PADI2: variants seen among roughly 807,000 people sequenced by gnomAD.
PADI2 encodes protein-arginine deiminase type-2.
A neutral mutation model predicts 81.1 loss-of-function variants in PADI2; 70 were observed. The ratio of observed to expected loss-of-function variants is 0.86; its 90% CI spans 0.71 to 1.05. The LOEUF (loss-of-function observed/expected upper bound fraction) is 1.05, where lower values mean the gene tolerates loss of function less well. Ranked by LOEUF, PADI2 falls within the 50% of genes least tolerant of loss-of-function variation. The pLI is 0.00. For synonymous variants in PADI2, 338 were observed against 358.0 expected (o/e 0.94, Z 0.63); for missense variants, 853 against 889.9 (o/e 0.96, Z 0.53).
In PADI2 at chr1:17,117,813, C is replaced by T. The variant is rs145518659; in HGVS notation, c.92+1467G>A. ...CTTAGAGACCTGAGCACTCTGGCTC[C>T]GCGCCCACTCCCTAGCGGTGCCCAG... On this transcript the variant is annotated intron_variant, in intron 1 of 15. Coordinates refer to ENST00000375486, the MANE Select transcript of PADI2 (RefSeq NM_007365.3). Among the ~76,000 whole-genome samples, 476 of 152,318 alleles carry T rather than the reference C, an allele frequency of 3.1e-3. 1 individual carries two copies. Among genetic ancestry groups the T allele is most frequent in the Non-Finnish European group, 5.1e-3 (348 of 68,030 alleles).
intron 3 of PADI2, 150 bp from the exon 4 acceptor site, chr1:17,096,120 C>T (rs1930918176): frequency 1.9e-6 from 1 of 524,106 alleles, no homozygotes; most frequent in African/African-American, 1.9e-5. Context: ...TATGCAACCC[C>T]CTGCCTCAAC....
chr1:17,104,863 T>A lies in PADI2; in HGVS notation c.276+15A>T. On this transcript the variant is annotated intron_variant, in intron 2 of 15. Coordinates refer to ENST00000375486, the MANE Select transcript of PADI2 (RefSeq NM_007365.3). ...GGTCCCGGGCCCGCAGAGGCTGGAC[T>A]TCCCGCCGTGGTACCTTGTCACTGC... 2 of 1,553,302 alleles carry A rather than the reference T, an allele frequency of 1.3e-6. No individual in the cohort carries two copies. The highest frequency in any genetic ancestry group is 1.7e-6 in the Non-Finnish European group (2 of 1,146,858).
rs533960751 is a variant in PADI2 at position 17,084,599 on chromosome 1, C to T, written c.938G>A (p.Cys313Tyr). The T allele has an allele frequency of 1.3e-6, 2 of 1,575,122 alleles. No individual in the cohort carries two copies. The highest frequency in any genetic ancestry group is 2.4e-5 in the East Asian group (1 of 42,472). ...ILPPVSVFVC[C>Y]MKDNYLFLKE... Reference sequence around the variant, plus strand: ...TCTCCAGGCTGGGGTCACCCCTTACCAGCACACAAACACCGACACGGGAGG... The same window carrying T: ...TCTCCAGGCTGGGGTCACCCCTTACTAGCACACAAACACCGACACGGGAGG... Residue 313 changes from cysteine to tyrosine, a missense_variant and splice_region_variant, in exon 8 of 16, where the codon TGC becomes TAC. Physicochemically the swap from Cys to Tyr is radical, Grantham distance 194. Coordinates refer to ENST00000375486, the MANE Select transcript of PADI2 (RefSeq NM_007365.3).
intron 8 of PADI2, 100 bp from the exon 9 acceptor site, chr1:17,083,937 T>C (rs567041709): frequency 2.5e-6 from 2 of 789,484 alleles, no homozygotes; most frequent in African/African-American, 1.7e-5. Context: ...CTCTGGGCTG[T>C]GCCGGGCAGA....
chr1:17,099,243 C>A (rs1931054148), intron 3 of PADI2, among the ~76,000 whole-genome samples: 2 of 152,274 alleles, frequency 1.3e-5, no homozygotes, highest in African/African-American at 4.8e-5. Context: ...GGACACCCTC[C>A]CCCACAGCCA....
At chr1:17,071,306 G>T in intron 14 of PADI2, 100 bp downstream of exon 14, 1 of 829,694 alleles carries the variant, frequency 1.2e-6, no homozygotes, top group Non-Finnish European at 2.0e-6. Flanking sequence ...AGGAGCTCCT[G>T]AGCCCTTGGC....
At chr1:17,099,334 G>T (rs2235910) in intron 3 of PADI2, among the ~76,000 whole-genome samples, 85,122 of 151,906 alleles carry the variant, frequency 0.56, 24,181 homozygotes, top group Middle Eastern at 0.62. Flanking sequence ...TCTGGGGCCC[G>T]CATATGTGTA....
chr1:17,086,522 T>C lies in PADI2; in HGVS notation c.833A>G (p.Gln278Arg). 3.7e-6 allele frequency: 6 copies of C among 1,612,192 alleles called. No individual in the cohort carries two copies. The highest frequency in any genetic ancestry group is 5.1e-6 in the Non-Finnish European group (6 of 1,179,114). Residue 278 changes from glutamine (Q) to arginine (R), a missense_variant and splice_region_variant, in exon 7 of 16, where the codon CAG becomes CGG. Physicochemically the swap from Gln to Arg is conservative, Grantham distance 43. Transcript: ENST00000375486. ...GTGGTGGAGGCCTGGAGCCCTCACC[T>C]GGGCCATGTACTCCAGCAGGCTGAC... ...IHVSLLEYMA[Q>R]DIPLTPIFTD...
In PADI2 at chr1:17,092,538, G is replaced by T. The variant is rs1044668501; in HGVS notation, c.530-5C>A. 2.5e-6 allele frequency: 4 copies of T among 1,580,372 alleles called. No homozygotes were observed. In the African/African-American group the frequency reaches 5.5e-5, roughly 22 times the overall value. ...TCTGGGACATGTCCTTGAGATCTGAGGGACAGAAGGTGAGAATGAAGAGAT... is the reference window on the plus strand; with the variant it reads ...TCTGGGACATGTCCTTGAGATCTGATGGACAGAAGGTGAGAATGAAGAGAT... On this transcript the variant is annotated splice_polypyrimidine_tract_variant and splice_region_variant and intron_variant, in intron 5 of 15. Coordinates refer to ENST00000375486, the MANE Select transcript of PADI2 (RefSeq NM_007365.3).
Position 17,092,541 on chromosome 1 carries a change from A to G in PADI2, c.530-8T>C, listed in dbSNP as rs761101922. The G allele has an allele frequency of 1.9e-6, 3 of 1,576,540 alleles. No homozygotes were observed. In the East Asian group the frequency reaches 6.9e-5, roughly 36 times the overall value. On this transcript the variant is annotated splice_polypyrimidine_tract_variant and splice_region_variant and intron_variant, in intron 5 of 15. Coordinates refer to ENST00000375486, the MANE Select transcript of PADI2 (RefSeq NM_007365.3). ...GGGACATGTCCTTGAGATCTGAGGG[A>G]CAGAAGGTGAGAATGAAGAGATCTA...
At position 17,104,910 on chromosome 1, in the gene PADI2, T is replaced by A. The variant is rs746918763; in HGVS notation, c.244A>T (p.Ser82Cys). 75 of 1,593,652 alleles carry A rather than the reference T, an allele frequency of 4.7e-5. No individual in the cohort carries two copies. The South Asian group carries it at 8.1e-4, about 17-fold the overall frequency. Residue 82 changes from serine (S) to cysteine (C), a missense_variant, in exon 2 of 16, where the codon AGC becomes TGC. By Grantham distance (112) the Ser-to-Cys change is moderately radical (BLOSUM62 -1). Coordinates refer to ENST00000375486, the MANE Select transcript of PADI2 (RefSeq NM_007365.3). ...SPSTTLRVTM[S>C]QASTEASSDK... ...CTGCTGGCCTCGGTGCTCGCCTGGCTCATGGTGACCCGCAGGGTGGTGCTG... is the reference window on the plus strand; with the variant it reads ...CTGCTGGCCTCGGTGCTCGCCTGGCACATGGTGACCCGCAGGGTGGTGCTG...
intron 1 of PADI2, among the ~76,000 whole-genome samples, chr1:17,106,289 C>T (rs1382186522): frequency 6.6e-6 from 1 of 152,130 alleles, no homozygotes; most frequent in Non-Finnish European, 1.5e-5. Context: ...AGCAGGAGAA[C>T]AAATGGATGT....
chr1:17,105,401 G>T (rs533229988), intron 1 of PADI2, among the ~76,000 whole-genome samples: 4 of 143,656 alleles, frequency 2.8e-5, no homozygotes, highest in African/African-American at 1.1e-4. Context: ...TCTTTTTTGT[G>T]TGTGTGTGTG....
chr1:17,078,870 A>AT (rs2078323404), intron 11 of PADI2, among the ~76,000 whole-genome samples: 3 of 151,792 alleles, frequency 2.0e-5, no homozygotes, highest in South Asian at 4.2e-4. Flanking sequence ...TAATTTTTGT[A>AT]TTTTTTGTAG....
chr1:17,070,373 C>T (rs1341551655), intron 14 of PADI2, among the ~76,000 whole-genome samples, 157 bp from the exon 15 acceptor site: 1 of 152,174 alleles, frequency 6.6e-6, no homozygotes, highest in African/African-American at 2.4e-5. Context: ...CTCCCTGGCC[C>T]TGTCCACCGG....
rs563846278 is a variant in PADI2, at chr1:17,104,803, G to C, written c.276+75C>G. 2.8e-5 allele frequency: 37 copies of C among 1,319,194 alleles called. No homozygotes were observed. In the South Asian group the frequency reaches 5.3e-4, roughly 19 times the overall value. 81.7% of individuals were successfully genotyped at this position (1,319,194 alleles called of 1,614,324 possible). On this transcript the variant is annotated intron_variant, in intron 2 of 15. Transcript: ENST00000375486. ...CATGGCCCACGTGCAGTTTCTATGG[G>C]ACAGGGCTGGTCCACCCTGCCTCTA...
At chr1:17,091,057 G>A (rs60411762) in intron 6 of PADI2, among the ~76,000 whole-genome samples, 3,488 of 151,842 alleles carry the variant, frequency 0.023, 127 homozygotes, top group African/African-American at 0.079. Flanking sequence ...CTGCGGCAGC[G>A]GAGCCAGCCT....
chr1:17,075,620 C>T, intron 12 of PADI2, 59 bp downstream of exon 12: 5 of 1,473,950 alleles, frequency 3.4e-6, no homozygotes, highest in Admixed American at 2.1e-5. Context: ...CTGGCAGGGG[C>T]GGGTAATATA....
chr1:17,095,039 G>C (rs936780325), intron 4 of PADI2, among the ~76,000 whole-genome samples: 2 of 152,206 alleles, frequency 1.3e-5, no homozygotes, highest in Non-Finnish European at 2.9e-5. Context: ...TCATCAGGCT[G>C]TGTTTATTTT....
Sources: allele counts gnomAD v4.1 joint callset (sites outside exome capture counted in the v4.1 genomes callset), GRCh38; gene constraint gnomAD v4.1.1; transcripts MANE v1.5; gene names NCBI Gene and HGNC (gene_info 2026-07-23, HGNC 2026-07-21).